The following HOXB9 variants were observed in gnomAD, a reference collection of about 807,000 sequenced individuals.
HOXB9 encodes homeobox B9.
A neutral mutation model predicts 21.5 loss-of-function variants in HOXB9; 10 were observed. That is an observed-to-expected ratio of 0.47 (90% CI 0.29 to 0.79). The LOEUF (loss-of-function observed/expected upper bound fraction) is 0.79. Among genes scored for constraint, HOXB9 ranks in the 30% least tolerant of loss-of-function variants. The pLI, the probability that HOXB9 is intolerant of heterozygous loss-of-function variation, is 0.10. For synonymous variants in HOXB9, 156 were observed against 151.2 expected (o/e 1.03, Z -0.23); for missense variants, 375 against 338.7 (o/e 1.11, Z -0.84).
At chr17:48,625,571 C>A (rs1349329542) in intron 1 of HOXB9, among the ~76,000 whole-genome samples, 182 bp downstream of exon 1, 2 of 152,234 alleles carry the variant, frequency 1.3e-5, no homozygotes, top group Non-Finnish European at 2.9e-5. Flanking sequence ...CTCAGTCTCC[C>A]CTTCTAGAGC....
intron 1 of HOXB9, among the ~76,000 whole-genome samples, chr17:48,624,429 G>A (rs1040447898): frequency 6.6e-6 from 1 of 152,154 alleles, no homozygotes; most frequent in Non-Finnish European, 1.5e-5. Context: ...GTTTAGGGTG[G>A]GGGATCTGTT....
intron 1 of HOXB9, among the ~76,000 whole-genome samples, chr17:48,625,287 A>C (rs2070802532): frequency 6.6e-6 from 1 of 152,222 alleles, no homozygotes; most frequent in Non-Finnish European, 1.5e-5. Context: ...GCCGGCTTTT[A>C]CGGTCTGCGC....
In HOXB9 at chr17:48,622,885, G is replaced by A. The variant is rs765093055; in HGVS notation, c.*15C>T. 1.9e-5 allele frequency: 30 copies of A among 1,580,076 alleles called. No individual in the cohort carries two copies. Among genetic ancestry groups the A allele is most frequent in the Middle Eastern group, 1.7e-4 (1 of 6,022 alleles). On this transcript the variant is annotated 3_prime_UTR_variant, in exon 2 of 2. Transcript: ENST00000311177. ...TGGGGAAGAGCTAGGGAGGACTGGG[G>A]GTAATCTTTAATCTTTACTCTTTGC...
At chr17:48,624,539 T>C (rs535286158) in intron 1 of HOXB9, among the ~76,000 whole-genome samples, 1 of 152,204 alleles carries the variant, frequency 6.6e-6, no homozygotes, top group South Asian at 2.1e-4. Flanking sequence ...CTGCAAGGAA[T>C]GGGGCTGCTC....
rs776364991 is a variant in HOXB9, at chr17:48,622,076, A to G, written c.*824T>C. Reference sequence around the variant, plus strand: ...CTTCTTTTGTTGGAAGGAGAGGGAAACATCATGCGGAATTAAACATTTCCT... The same window carrying G: ...CTTCTTTTGTTGGAAGGAGAGGGAAGCATCATGCGGAATTAAACATTTCCT... On this transcript the variant is annotated 3_prime_UTR_variant, in exon 2 of 2. Coordinates refer to ENST00000311177, the MANE Select transcript of HOXB9 (RefSeq NM_024017.5). The G allele has an allele frequency of 6.6e-6, 1 of 152,192 alleles. No individual in the cohort carries two copies. The allele number at this position is 152,192 out of a possible 1,614,324, so 9.4% of individuals were successfully genotyped here.
chr17:48,625,694 C>A, intron 1 of HOXB9, 59 bp downstream of exon 1: 2 of 1,438,132 alleles, frequency 1.4e-6, no homozygotes, highest in Non-Finnish European at 1.8e-6. Context: ...ATTGCCTTTC[C>A]CCTCCCCGCC....
intron 1 of HOXB9, 37 bp from the exon 2 acceptor site, chr17:48,623,172 G>T: frequency 6.5e-7 from 1 of 1,535,524 alleles, no homozygotes; most frequent in South Asian, 1.2e-5. Context: ...AAGAAAGGAA[G>T]GGGGTGAAGG....
Position 48,622,571 on chromosome 17 carries a change from T to G in HOXB9, c.*329A>C. The stretch of plus-strand genomic sequence containing the variant: ...AGAGAAGAAACAGGCAAGCTGGAAG[T>G]GAGGGGCTAGGACTTCCCAGAAAAA... On this transcript the variant is annotated 3_prime_UTR_variant, in exon 2 of 2. Coordinates refer to ENST00000311177, the MANE Select transcript of HOXB9 (RefSeq NM_024017.5). The G allele has an allele frequency of 3.9e-6, 1 of 257,858 alleles. No individual in the cohort carries two copies. Among genetic ancestry groups the G allele is most frequent in the Non-Finnish European group, 7.5e-6 (1 of 133,820 alleles). 16.0% of individuals were successfully genotyped at this position (257,858 alleles called of 1,614,324 possible). A position where few individuals can be genotyped will look rare whatever the true frequency, so the allele number is the denominator to read the frequency against.
In HOXB9 at chr17:48,623,047, C is replaced by G; in HGVS notation, c.606G>C (p.Lys202Asn). Reference sequence around the variant, plus strand: ...TGAGGTACATATTGAACAGAAACTCCTTCTCTAGCTCCAGCGTCTGGTATT... The same window carrying G: ...TGAGGTACATATTGAACAGAAACTCGTTCTCTAGCTCCAGCGTCTGGTATT... ...YTKYQTLELE[K>N]EFLFNMYLTR... The change falls in exon 2 of 2, where the codon AAG becomes AAC. Residue 202 changes from lysine to asparagine, a missense_variant. Physicochemically the swap from Lys to Asn is moderately conservative, Grantham distance 94. Coordinates refer to ENST00000311177, the MANE Select transcript of HOXB9 (RefSeq NM_024017.5). 4 of 1,614,240 alleles carry G rather than the reference C, an allele frequency of 2.5e-6. No individual in the cohort carries two copies. The highest frequency in any genetic ancestry group is 3.4e-6 in the Non-Finnish European group (4 of 1,180,042).
rs1207624841 is a variant in HOXB9 at position 48,625,815 on chromosome 17, C to A, written c.455G>T (p.Arg152Ile). 1.2e-6 allele frequency: 2 copies of A among 1,609,662 alleles called. No individual in the cohort carries two copies. Among genetic ancestry groups the A allele is most frequent in the Non-Finnish European group, 8.5e-7 (1 of 1,178,320 alleles). The change falls in exon 1 of 2, where the codon AGA becomes ATA. Residue 152 changes from arginine (R) to isoleucine (I), a missense_variant. By Grantham distance (97) the Arg-to-Ile change is moderately conservative. Transcript: ENST00000311177. The stretch of plus-strand genomic sequence containing the variant: ...AATTTTATTGTCCCCGTAGCCGGGT[C>A]TTTGATTAGACAGCACGGCCTCCCT... The part of the protein sequence containing the change: ...AGREAVLSNQ[R>I]PGYGDNKICE...
chr17:48,626,147 G>A lies in HOXB9; in HGVS notation c.123C>T (p.His41=), dbSNP rs1282492392. 3 of 1,595,174 alleles carry A rather than the reference G, an allele frequency of 1.9e-6. No individual in the cohort carries two copies. Among genetic ancestry groups the A allele is most frequent in the East Asian group, 4.5e-5 (2 of 44,702 alleles). ...ACGAGGGGAACTCCAGGTGCTCCGC[G>A]TGGCCCGGCTGCCGCGAGCTCGCGT... ...GQYASSRQPG[H]AEHLEFPSCS... The change falls in exon 1 of 2, where the codon CAC becomes CAT. Residue 41 remains histidine, a synonymous_variant. Transcript: ENST00000311177.
chr17:48,626,215 C>G lies in HOXB9; in HGVS notation c.55G>C (p.Glu19Gln). 1 of 1,599,122 alleles carries G rather than the reference C, an allele frequency of 6.3e-7. No homozygotes were observed. Among genetic ancestry groups the G allele is most frequent in the East Asian group, 2.2e-5 (1 of 44,840 alleles). Residue 19 changes from glutamate to glutamine, a missense_variant, in exon 1 of 2, where the codon GAG (glutamate) becomes CAG (glutamine). Physicochemically the swap from Glu to Gln is conservative, Grantham distance 29 (BLOSUM62 2). Transcript: ENST00000311177. ...TTGGCTGGAGGCGCGTCCTCACTCT[C>G]GTGACTTATGATCGAGTCGACATAA... ...SYYVDSIISHESEDAPPAKFP... is the reference protein window; with the variant it reads ...SYYVDSIISHQSEDAPPAKFP...
rs1410539111 is a variant in HOXB9, at chr17:48,626,087, G to A, written c.183C>T (p.Ala61=). ...CGTGCGGGCTCAGCGGCGCCCAGGAGGCGCCGAACACCGGCGCTTTGGGCT... is the reference window on the plus strand; with the variant it reads ...CGTGCGGGCTCAGCGGCGCCCAGGAAGCGCCGAACACCGGCGCTTTGGGCT... ...SFQPKAPVFG[A]SWAPLSPHAS... The change falls in exon 1 of 2, where the codon GCC becomes GCT. Residue 61 remains alanine (A), a synonymous_variant. Coordinates refer to ENST00000311177, the MANE Select transcript of HOXB9 (RefSeq NM_024017.5). 6.3e-7 allele frequency: 1 copy of A among 1,577,418 alleles called. No homozygotes were observed. Among genetic ancestry groups the A allele is most frequent in the Non-Finnish European group, 8.6e-7 (1 of 1,168,524 alleles).
At chr17:48,625,037 A>T (rs1375172389) in intron 1 of HOXB9, among the ~76,000 whole-genome samples, 1 of 152,182 alleles carries the variant, frequency 6.6e-6, no homozygotes, top group East Asian at 1.9e-4. Context: ...GCAGAAAAGG[A>T]AGCGGTAGCC....
intron 1 of HOXB9, among the ~76,000 whole-genome samples, chr17:48,623,745 G>C: frequency 6.6e-6 from 1 of 152,162 alleles, no homozygotes; most frequent in Non-Finnish European, 1.5e-5. Flanking sequence ...CCACGAATAT[G>C]GGTCTGCACT....
chr17:48,624,667 G>A (rs976298080), intron 1 of HOXB9, among the ~76,000 whole-genome samples: 2 of 152,146 alleles, frequency 1.3e-5, no homozygotes, highest in Non-Finnish European at 2.9e-5. Flanking sequence ...AGTAAGAAAC[G>A]AGGACCTGAT....
In HOXB9 at chr17:48,622,774, C is replaced by G; in HGVS notation, c.*126G>C. On this transcript the variant is annotated 3_prime_UTR_variant, in exon 2 of 2. Transcript: ENST00000311177. ...GGAGGTTCTAGGTGCAGATAAAGGACTTGGAAGAGAGACTCCCTTCCCCAT... is the reference window on the plus strand; with the variant it reads ...GGAGGTTCTAGGTGCAGATAAAGGAGTTGGAAGAGAGACTCCCTTCCCCAT... 1 of 682,460 alleles carries G rather than the reference C, an allele frequency of 1.5e-6. No homozygotes were observed. The highest frequency in any genetic ancestry group is 2.7e-5 in the East Asian group (1 of 37,252). 42.3% of individuals were successfully genotyped at this position (682,460 alleles called of 1,614,324 possible).
At chr17:48,625,606 C>T in intron 1 of HOXB9, 147 bp downstream of exon 1, 1 of 947,680 alleles carries the variant, frequency 1.1e-6, no homozygotes, top group South Asian at 2.1e-5. Context: ...TTCCCTCCGT[C>T]TTTCCTTCCT....
chr17:48,625,628 C>T (rs1359768957), intron 1 of HOXB9, 125 bp downstream of exon 1: 3 of 1,220,464 alleles, frequency 2.5e-6, no homozygotes, highest in Non-Finnish European at 3.3e-6. Flanking sequence ...TCCCCTCCTC[C>T]TCCCGGCCCG....
Sources: gnomAD v4.1 joint callset for allele counts (sites outside exome capture counted in the v4.1 genomes callset) on GRCh38, gnomAD v4.1.1 for gene constraint, MANE v1.5 for transcripts, NCBI Gene and HGNC (gene_info 2026-07-23, HGNC 2026-07-21) for gene names.